The following ABCD3 variants were observed in gnomAD, a reference collection of about 807,000 sequenced individuals.
ABCD3 encodes the protein ATP-binding cassette sub-family D member 3.
In ABCD3, 41 loss-of-function variants were observed where a neutral mutation model predicts 105.5. The ratio of observed to expected loss-of-function variants is 0.39; its 90% CI spans 0.30 to 0.50. The LOEUF is 0.50. ABCD3 is among the 20% of genes least tolerant of loss of function. ABCD3 has a pLI of 0.84. For missense variants in ABCD3, 622 were observed against 806.3 expected (o/e 0.77, Z 2.77); for synonymous variants, 258 against 269.0 (o/e 0.96, Z 0.40).
chr1:94,418,642 C>T, intron 1 of ABCD3, 54 bp downstream of exon 1: 20 of 1,525,732 alleles, frequency 1.3e-5, no homozygotes, highest in Non-Finnish European at 1.8e-5. Flanking sequence ...GCGCTCCCCG[C>T]GCGCTCTCTC....
At chr1:94,462,607 A>G (rs752119258) in intron 2 of ABCD3, among the ~76,000 whole-genome samples, 4 of 152,242 alleles carry the variant, frequency 2.6e-5, no homozygotes, top group African/African-American at 4.8e-5. Context: ...ATTTTATACA[A>G]GTTAGCAACT....
At chr1:94,479,245 C>A (rs899300312) in intron 8 of ABCD3, among the ~76,000 whole-genome samples, 2 of 151,998 alleles carry the variant, frequency 1.3e-5, no homozygotes, top group African/African-American at 4.8e-5. Flanking sequence ...GTGAATAGGC[C>A]AAATCCTTCT....
chr1:94,395,921 C>T, the ABCD3 span, among the ~76,000 whole-genome samples: 7 of 152,080 alleles, frequency 4.6e-5, no homozygotes, highest in African/African-American at 1.7e-4. Flanking sequence ...CACACAGAGA[C>T]AGACAGACAG....
intron 1 of ABCD3, among the ~76,000 whole-genome samples, chr1:94,444,009 T>C (rs1660236627): frequency 6.6e-6 from 1 of 152,148 alleles, no homozygotes; most frequent in South Asian, 2.1e-4. Context: ...ATGTCTTTTT[T>C]ATTTCATTAT....
intron 16 of ABCD3, among the ~76,000 whole-genome samples, chr1:94,495,489 G>A (rs1309127843): frequency 6.6e-6 from 1 of 152,090 alleles, no homozygotes. Context: ...CATGGCTGAC[G>A]TCATAATTGG....
intron 4 of ABCD3, among the ~76,000 whole-genome samples, chr1:94,471,075 C>G (rs74891540): frequency 0.024 from 3,634 of 152,222 alleles, 62 homozygotes; most frequent in Middle Eastern, 0.037. Flanking sequence ...GAGTTGAGAG[C>G]TTGTTAACTG....
At chr1:94,481,958 G>A (rs939269010) in intron 9 of ABCD3, 2 of 152,170 alleles carry the variant, frequency 1.3e-5, no homozygotes, top group Non-Finnish European at 2.9e-5. Flanking sequence ...ATTATTTTAG[G>A]AAGAAGAACA....
chr1:94,495,848 C>T (rs1033174575), intron 16 of ABCD3, among the ~76,000 whole-genome samples: 7 of 152,106 alleles, frequency 4.6e-5, no homozygotes, highest in African/African-American at 1.4e-4. Flanking sequence ...ATCGCTGTTA[C>T]AGTAGAGTAT....
chr1:94,475,256 T>A lies in ABCD3; in HGVS notation c.503+16T>A, dbSNP rs1401352712. On this transcript the variant is annotated intron_variant, in intron 6 of 22. Coordinates refer to ENST00000370214, the MANE Select transcript of ABCD3 (RefSeq NM_002858.4). The stretch of plus-strand genomic sequence containing the variant: ...AGTATCTTCAGTAAGTGATAACCTA[T>A]TTTTATATTAAAAATATTTAAATAG... The A allele has an allele frequency of 7.1e-7, 1 of 1,413,946 alleles. No homozygotes were observed. Among genetic ancestry groups the A allele is most frequent in the African/African-American group, 1.4e-5 (1 of 69,880 alleles). 87.6% of individuals were successfully genotyped at this position (1,413,946 alleles called of 1,614,324 possible). A position where few individuals can be genotyped will look rare whatever the true frequency, so the allele number is the denominator to read the frequency against.
Position 94,442,755 on chromosome 1 carries a change from A to G in ABCD3, c.111-15852A>G, listed in dbSNP as rs58774943. ...TTGTTTCAAAGTTATTTCTTGGGAT[A>G]ATAGCCTCCAGTTCTGTCCATGTTG... is the stretch of plus-strand genomic sequence containing the variant. On this transcript the variant is annotated intron_variant, in intron 1 of 22. Coordinates refer to ENST00000370214, the MANE Select transcript of ABCD3 (RefSeq NM_002858.4). 1.6e-3 allele frequency among the ~76,000 whole-genome samples: 251 copies of G among 152,312 alleles called. 2 individuals are homozygous for G. In the East Asian group the frequency reaches 0.03, roughly 18 times the overall value.
At chr1:94,486,679 C>T (rs1331719185) in intron 10 of ABCD3, among the ~76,000 whole-genome samples, 1 of 152,202 alleles carries the variant, frequency 6.6e-6, no homozygotes, top group African/African-American at 2.4e-5. Flanking sequence ...TGCCCAGCTA[C>T]TTTAGCTGGA....
At chr1:94,456,579 CTTT>C (rs879362043) in intron 1 of ABCD3, among the ~76,000 whole-genome samples, 2 of 143,604 alleles carry the variant, frequency 1.4e-5, no homozygotes, top group African/African-American at 2.5e-5. Flanking sequence ...CACTTAGCTC[CTTT>C]TTTTTTTTTA....
the ABCD3 span, among the ~76,000 whole-genome samples, chr1:94,395,519 A>G: frequency 6.6e-6 from 1 of 152,180 alleles, no homozygotes; most frequent in African/African-American, 2.4e-5. Flanking sequence ...TCAAGGAGAC[A>G]ATCAGGGGAA....
intron 4 of ABCD3, 106 bp downstream of exon 4, chr1:94,468,113 T>C: frequency 3.5e-6 from 3 of 849,830 alleles, no homozygotes; most frequent in Non-Finnish European, 5.9e-6. Context: ...AGGTAAAAGA[T>C]AACCCAAGTC....
At chr1:94,405,461 C>T in the ABCD3 span, among the ~76,000 whole-genome samples, 23 of 152,144 alleles carry the variant, frequency 1.5e-4, no homozygotes, top group South Asian at 1.7e-3. Context: ...CAGGCATGCA[C>T]GCCTGGCTAA....
intron 1 of ABCD3, among the ~76,000 whole-genome samples, chr1:94,434,023 AG>A (rs1659797722): frequency 1.3e-5 from 2 of 152,126 alleles, no homozygotes; most frequent in African/African-American, 4.8e-5. Flanking sequence ...TACCTGTATA[AG>A]GTGTAGTTAC....
At position 94,473,818 on chromosome 1, in the gene ABCD3, A is replaced by C; in HGVS notation, c.388A>C (p.Ile130Leu). Reference sequence around the variant, plus strand: ...TTTCAAGAGATACTTACTCAACTTCATCGCTGCCATGCCTCTTGTAAGTTT... The same window carrying C: ...TTTCAAGAGATACTTACTCAACTTCCTCGCTGCCATGCCTCTTGTAAGTTT... ...KDFKRYLLNF[I>L]AAMPLISLVN... The change falls in exon 5 of 23, where the codon ATC becomes CTC. Residue 130 changes from isoleucine (I) to leucine (L), a missense_variant. Physicochemically the swap from Ile to Leu is conservative, Grantham distance 5 (BLOSUM62 2). Coordinates refer to ENST00000370214, the MANE Select transcript of ABCD3 (RefSeq NM_002858.4). The C allele has an allele frequency of 6.2e-7, 1 of 1,612,688 alleles. No homozygotes were observed. Among genetic ancestry groups the C allele is most frequent in the African/African-American group, 1.3e-5 (1 of 74,826 alleles).
the ABCD3 span, among the ~76,000 whole-genome samples, chr1:94,386,615 T>C: frequency 6.6e-6 from 1 of 152,234 alleles, no homozygotes; most frequent in South Asian, 2.1e-4. Flanking sequence ...GCAGTAAAAA[T>C]GCTGTAGGAT....
At chr1:94,503,207 G>A (rs1650184132) in intron 20 of ABCD3, among the ~76,000 whole-genome samples, 1 of 152,132 alleles carries the variant, frequency 6.6e-6, no homozygotes, top group African/African-American at 2.4e-5. Context: ...TTAAGTAGCT[G>A]ACAGCATAGT....
Sources: gnomAD v4.1 joint callset for allele counts (sites outside exome capture counted in the v4.1 genomes callset) on GRCh38, gnomAD v4.1.1 for gene constraint, MANE v1.5 for transcripts, NCBI Gene and HGNC (gene_info 2026-07-23, HGNC 2026-07-21) for gene names.